The following MGST1 variants were observed in gnomAD, a reference collection of about 807,000 sequenced individuals.
MGST1 encodes the protein glutathione S-transferase 12.
A neutral mutation model predicts 8.9 loss-of-function variants in MGST1; 5 were observed. The observed-to-expected ratio is 0.56, with a 90% CI of 0.29 to 1.19. The LOEUF (loss-of-function observed/expected upper bound fraction) is 1.19. Ranked by LOEUF, MGST1 falls within the 50% of genes most tolerant of loss-of-function variation. The pLI, the probability that MGST1 is intolerant of heterozygous loss-of-function variation, is 0.08. For missense variants in MGST1, 182 were observed against 187.4 expected (o/e 0.97, Z 0.17); for synonymous variants, 54 against 67.8 (o/e 0.80, Z 1.00).
At chr12:16,569,907 A>G (rs940579288) in intron 4 of MGST1, among the ~76,000 whole-genome samples, 4 of 152,170 alleles carry the variant, frequency 2.6e-5, no homozygotes, top group African/African-American at 9.7e-5. Context: ...CAAATATTTT[A>G]TCTAATCACT....
In MGST1 at chr12:16,459,521, C is replaced by T. The variant is rs565750529; in HGVS notation, n.482+75917C>T. 2.0e-5 allele frequency among the ~76,000 whole-genome samples: 3 copies of T among 152,192 alleles called. No individual in the cohort carries two copies. In the East Asian group the frequency reaches 5.8e-4, roughly 29 times the overall value. On this transcript the variant is annotated intron_variant and non_coding_transcript_variant, in intron 4 of 4. Coordinates refer to the MGST1 transcript ENST00000538857. ...TCCAAGTCATAGGTCATGGATCCTG[C>T]AGCCCTTTATTATTTAAGAATTAAT...
rs1418478909 is a variant in MGST1 at position 16,458,088 on chromosome 12, C to T, written n.482+74484C>T. Among the ~76,000 whole-genome samples the T allele has an allele frequency of 3.9e-5, 6 of 151,922 alleles. No homozygotes were observed. Among genetic ancestry groups the T allele is most frequent in the Non-Finnish European group, 8.8e-5 (6 of 67,952 alleles). On this transcript the variant is annotated intron_variant and non_coding_transcript_variant, in intron 4 of 4. Coordinates refer to the MGST1 transcript ENST00000538857. The surrounding 1 kb of genome is among the most constrained non-coding windows in gnomAD (Gnocchi z 4.0). Reference sequence around the variant, plus strand: ...TTAATAGAAAATATAATTGCTTATTCATACAGAATACCCATTAAAGAAGTG... The same window carrying T: ...TTAATAGAAAATATAATTGCTTATTTATACAGAATACCCATTAAAGAAGTG...
intron 1 of MGST1, among the ~76,000 whole-genome samples, chr12:16,349,591 T>C (rs1273044569): frequency 6.6e-6 from 1 of 152,158 alleles, no homozygotes; most frequent in Non-Finnish European, 1.5e-5. Flanking sequence ...GAAAAAAATA[T>C]TATTTGCTCT....
intron 4 of MGST1, among the ~76,000 whole-genome samples, chr12:16,445,830 A>C (rs1941075729): frequency 6.6e-6 from 1 of 151,930 alleles, no homozygotes; most frequent in Non-Finnish European, 1.5e-5. Context: ...CAAACCTGAA[A>C]TCTTTAAGGA....
chr12:16,554,731 C>T (rs1307506578), intron 4 of MGST1, among the ~76,000 whole-genome samples: 1 of 152,136 alleles, frequency 6.6e-6, no homozygotes, highest in Non-Finnish European at 1.5e-5. Context: ...AGAGGGAGAC[C>T]AGATTCGCTC....
chr12:16,352,971 C>G (rs990920947), intron 1 of MGST1, among the ~76,000 whole-genome samples: 1 of 152,044 alleles, frequency 6.6e-6, no homozygotes, highest in African/African-American at 2.4e-5. Flanking sequence ...TTGGGCCAGT[C>G]CATATTTTAT....
chr12:16,543,041 C>T (rs1941801551), intron 4 of MGST1, among the ~76,000 whole-genome samples: 1 of 152,162 alleles, frequency 6.6e-6, no homozygotes, highest in African/African-American at 2.4e-5. Flanking sequence ...GTAGATATCT[C>T]TACTTCCTCA....
At chr12:16,570,964 C>G (rs868569255) in intron 4 of MGST1, among the ~76,000 whole-genome samples, 2 of 152,186 alleles carry the variant, frequency 1.3e-5, no homozygotes, top group Middle Eastern at 6.8e-3. Context: ...CTATTATCAG[C>G]ATGGCACATG....
intron 2 of MGST1, 161 bp downstream of exon 2, chr12:16,354,539 T>C: frequency 1.8e-6 from 1 of 563,462 alleles, no homozygotes; most frequent in Non-Finnish European, 2.9e-6. Context: ...ATCTGATGTA[T>C]TTATGGAACA....
chr12:16,512,036 G>T lies in MGST1; in HGVS notation n.483-77492G>T, dbSNP rs199638527. On this transcript the variant is annotated intron_variant and non_coding_transcript_variant, in intron 4 of 4. Coordinates refer to the MGST1 transcript ENST00000538857. ...ACAATTAGAGCTAGTTGGATTTCAAGAATTTTCTTGAGTTTCAGGTCAAAG... is the reference window on the plus strand; with the variant it reads ...ACAATTAGAGCTAGTTGGATTTCAATAATTTTCTTGAGTTTCAGGTCAAAG... 2.0e-5 allele frequency among the ~76,000 whole-genome samples: 3 copies of T among 152,240 alleles called. No homozygotes were observed. The East Asian group carries it at 5.8e-4, about 29-fold the overall frequency.
Position 16,363,832 on chromosome 12 carries a change from C to G in MGST1, c.259C>G (p.Leu87Val). 6.2e-7 allele frequency: 1 copy of G among 1,610,580 alleles called. No individual in the cohort carries two copies. The highest frequency in any genetic ancestry group is 1.1e-5 in the South Asian group (1 of 90,882). ...TGACCTTGAAAATATTATTCCATTTCTTGGAATTGGCCTCCTGTATTCCTT... is the reference window on the plus strand; with the variant it reads ...TGACCTTGAAAATATTATTCCATTTGTTGGAATTGGCCTCCTGTATTCCTT... ...LNDLENIIPF[L>V]GIGLLYSLSG... Residue 87 changes from leucine (L) to valine (V), a missense_variant, in exon 4 of 4, where the codon CTT becomes GTT. Transcript: ENST00000396210. This position sits in a 1 kb window ranked among gnomAD's most constrained non-coding sequence, Gnocchi z 4.6.
intron 4 of MGST1, among the ~76,000 whole-genome samples, chr12:16,484,575 CTT>C (rs767846282): frequency 3.9e-5 from 6 of 152,236 alleles, no homozygotes; most frequent in East Asian, 1.9e-4. Flanking sequence ...TCTCAGGAAA[CTT>C]ATAACCTTGG....
chr12:16,466,037 G>A (rs1591737521), intron 4 of MGST1, among the ~76,000 whole-genome samples: 1 of 152,174 alleles, frequency 6.6e-6, no homozygotes, highest in African/African-American at 2.4e-5. Context: ...TTATCTGGAT[G>A]TAAGAATGAA....
chr12:16,516,960 G>A (rs1941618888), intron 4 of MGST1, among the ~76,000 whole-genome samples: 1 of 152,164 alleles, frequency 6.6e-6, no homozygotes, highest in African/African-American at 2.4e-5. Context: ...AGTCAGGAAT[G>A]TCAACACTCA....
chr12:16,350,765 T>C (rs1939423323), intron 1 of MGST1: 1 of 152,248 alleles, frequency 6.6e-6, no homozygotes, highest in Non-Finnish European at 1.5e-5. Flanking sequence ...AAGGGGAAGA[T>C]GTTACCCTGG....
downstream of MGST1, among the ~76,000 whole-genome samples, chr12:16,381,612 T>C (rs1235134844): frequency 6.6e-6 from 1 of 152,198 alleles, no homozygotes; most frequent in African/African-American, 2.4e-5. Context: ...CTCACAATTA[T>C]GTGTCTTGGG....
At chr12:16,465,504 G>A (rs1941247599) in intron 4 of MGST1, among the ~76,000 whole-genome samples, 1 of 151,756 alleles carries the variant, frequency 6.6e-6, no homozygotes, top group Non-Finnish European at 1.5e-5. Flanking sequence ...TCCGCCTCCT[G>A]TCAGATCAGC....
chr12:16,528,516 G>T (rs1941703171), intron 4 of MGST1, among the ~76,000 whole-genome samples: 1 of 152,010 alleles, frequency 6.6e-6, no homozygotes, highest in Non-Finnish European at 1.5e-5. Context: ...TATCTAGGCA[G>T]TCAGATGTAT....
intron 4 of MGST1, among the ~76,000 whole-genome samples, chr12:16,511,544 A>G (rs1322003297): frequency 6.6e-6 from 1 of 152,214 alleles, no homozygotes; most frequent in Non-Finnish European, 1.5e-5. Flanking sequence ...CAAAGTGTTA[A>G]AAACACCAAA....
Sources: allele counts gnomAD v4.1 joint callset (sites outside exome capture counted in the v4.1 genomes callset), GRCh38; gene constraint gnomAD v4.1.1; non-coding constraint Gnocchi (gnomAD v3.1); transcripts MANE v1.5; gene names NCBI Gene and HGNC (gene_info 2026-07-23, HGNC 2026-07-21).